The following C6orf62 variants were observed in gnomAD, a reference collection of about 807,000 sequenced individuals.
C6orf62 encodes uncharacterized protein C6orf62.
In C6orf62, 16 loss-of-function variants were observed where a neutral mutation model predicts 26.8. That is an observed-to-expected ratio of 0.60 (90% CI 0.40 to 0.91). The LOEUF is 0.91. Ranked by LOEUF, C6orf62 falls within the 40% of genes least tolerant of loss-of-function variation. The probability of loss-of-function intolerance (pLI) is 0.00; values close to 1 mark genes in which losing one functional copy is unlikely to be tolerated. For synonymous variants in C6orf62, 112 were observed against 91.5 expected, an observed-to-expected ratio of 1.22 and a Z score of -1.28; for missense variants, 192 against 271.4, an observed-to-expected ratio of 0.71 and a Z score of 2.06.
chr6:24,709,092 G>A (rs550995188), intron 3 of C6orf62, 181 bp from the exon 4 acceptor site: 6 of 984,874 alleles, frequency 6.1e-6, no homozygotes, highest in East Asian at 1.1e-4. Flanking sequence ...TAGATTAAAA[G>A]CAATTTACAA....
At chr6:24,720,012 A>AGGGGGCCGCGCC, upstream of C6orf62, 1 of 1,463,298 alleles carries the variant, frequency 6.8e-7, no homozygotes, top group Non-Finnish European at 9.1e-7. Context: ...TTCTAAAGTA[A>AGGGGGCCGCGCC]GCCCACCCAC....
In C6orf62 at chr6:24,718,534, A is replaced by G; in HGVS notation, c.129+6T>C. 1.3e-6 allele frequency: 2 copies of G among 1,596,576 alleles called. No homozygotes were observed. Among genetic ancestry groups the G allele is most frequent in the South Asian group, 1.1e-5 (1 of 89,170 alleles). The stretch of plus-strand genomic sequence containing the variant: ...TGCTAATTCACCATTAAGAACTTTA[A>G]ATTACCTTCTCCTTGAATACAAAGG... On this transcript the variant is annotated splice_donor_region_variant and intron_variant, in intron 1 of 4. Transcript: ENST00000378119.
At chr6:24,719,641 C>G, upstream of C6orf62, 1 of 1,440,676 alleles carries the variant, frequency 6.9e-7, no homozygotes, top group Non-Finnish European at 9.1e-7. Flanking sequence ...GTTCCCAACA[C>G]CCCCAGCCTG....
At chr6:24,712,683 T>A (rs1225435854) in intron 3 of C6orf62, among the ~76,000 whole-genome samples, 1 of 89,190 alleles carries the variant, frequency 1.1e-5, no homozygotes, top group Non-Finnish European at 2.1e-5. Flanking sequence ...AGAGTGAGAC[T>A]CTGTCTCAAA....
intron 2 of C6orf62, among the ~76,000 whole-genome samples, 182 bp downstream of exon 2, chr6:24,715,966 A>G (rs980381747): frequency 6.6e-6 from 1 of 151,840 alleles, no homozygotes; most frequent in Admixed American, 6.6e-5. Flanking sequence ...GTGTTTTTCT[A>G]ATCCTATAAA....
At chr6:24,720,012 A>AGGGGGGGCC, upstream of C6orf62, 2 of 1,463,272 alleles carry the variant, frequency 1.4e-6, no homozygotes, top group Non-Finnish European at 1.8e-6. Flanking sequence ...TTCTAAAGTA[A>AGGGGGGGCC]GCCCACCCAC....
rs1356473432 is a variant in C6orf62, at chr6:24,704,962, AC to A, written c.*1174del. 1 of 151,834 alleles carries A rather than the reference AC, an allele frequency of 6.6e-6. No homozygotes were observed. The highest frequency in any genetic ancestry group is 1.5e-5 in the Non-Finnish European group (1 of 67,862). The allele number at this position is 151,834 out of a possible 1,614,324, so 9.4% of individuals were successfully genotyped here. ...TTCAAATTCCAACCAGAAGCTAAAT[AC>A]AATTGGAAACTGGTAAGCACTAGTT... On this transcript the variant is annotated 3_prime_UTR_variant, in exon 5 of 5. Coordinates refer to ENST00000378119, the MANE Select transcript of C6orf62 (RefSeq NM_030939.5).
rs942243256 is a variant in C6orf62 at position 24,719,000 on chromosome 6, G to A, written c.-332C>T. ...CATTTGGCTTAACTGCCAAAATAAA[G>A]GCTTTGCGGAGAAATGAAAAGCCTA... is the stretch of plus-strand genomic sequence containing the variant. On this transcript the variant is annotated 5_prime_UTR_variant, in exon 1 of 5. Transcript: ENST00000378119. The A allele has an allele frequency of 2.6e-5, 29 of 1,129,708 alleles. No homozygotes were observed. Among genetic ancestry groups the A allele is most frequent in the Non-Finnish European group, 2.9e-5 (27 of 918,022 alleles). The allele number at this position is 1,129,708 out of a possible 1,614,324, so 70.0% of individuals were successfully genotyped here.
At position 24,706,156 on chromosome 6, in the gene C6orf62, C is replaced by T. The variant is rs746089400; in HGVS notation, c.671G>A (p.Arg224His). 38 of 1,614,066 alleles carry T rather than the reference C, an allele frequency of 2.4e-5. No individual in the cohort carries two copies. Among genetic ancestry groups the T allele is most frequent in the East Asian group, 4.5e-5 (2 of 44,890 alleles). ...WAVGTIEDHL[R>H]PYMPE The stretch of plus-strand genomic sequence containing the variant: ...AGTACTCTACTCTGGCATATAAGGA[C>T]GGAGGTGATCCTCTATGGTGCCAAC... Residue 224 changes from arginine to histidine, a missense_variant, in exon 5 of 5, where the codon CGT becomes CAT. Physicochemically the swap from Arg to His is conservative, Grantham distance 29. Transcript: ENST00000378119.
At chr6:24,707,006 T>C (rs1225170506) in intron 4 of C6orf62, 1 of 152,206 alleles carries the variant, frequency 6.6e-6, no homozygotes, top group Non-Finnish European at 1.5e-5. Context: ...TTTTAAAAAG[T>C]AGTTACCATT....
upstream of C6orf62, chr6:24,720,012 A>AGGGGGGGGG: frequency 1.5e-4 from 219 of 1,462,150 alleles, no homozygotes; most frequent in Non-Finnish European, 1.9e-4. Flanking sequence ...TTCTAAAGTA[A>AGGGGGGGGG]GCCCACCCAC....
intron 2 of C6orf62, 83 bp downstream of exon 2, chr6:24,716,065 C>CT: frequency 8.8e-7 from 1 of 1,136,588 alleles, no homozygotes; most frequent in Non-Finnish European, 1.3e-6. Flanking sequence ...TAACTATCCA[C>CT]TTTAAGGGGG....
chr6:24,719,642 C>T, upstream of C6orf62: 1 of 1,441,270 alleles, frequency 6.9e-7, no homozygotes, highest in Non-Finnish European at 9.1e-7. Flanking sequence ...TTCCCAACAC[C>T]CCCAGCCTGC....
At chr6:24,720,090 T>C (rs998949483), upstream of C6orf62, 5 of 1,298,892 alleles carry the variant, frequency 3.8e-6, no homozygotes, top group African/African-American at 5.2e-5. Flanking sequence ...GTTTCCAGAG[T>C]TTGGATTGTT....
chr6:24,719,442 C>A, upstream of C6orf62: 1 of 1,077,606 alleles, frequency 9.3e-7, no homozygotes, highest in Non-Finnish European at 1.1e-6. Context: ...CGGGGGCGGG[C>A]AGCTGTGGCC....
chr6:24,716,421 T>C lies in C6orf62; in HGVS notation c.130-97A>G, dbSNP rs140492909. ...GTCATGTAACATTAACTCCACAAAA[T>C]TCTTAACTGTCTGCAGTAACTTATA... On this transcript the variant is annotated intron_variant, in intron 1 of 4. Coordinates refer to ENST00000378119, the MANE Select transcript of C6orf62 (RefSeq NM_030939.5). 109 of 838,652 alleles carry C rather than the reference T, an allele frequency of 1.3e-4. No individual in the cohort carries two copies. The Middle Eastern group carries it at 1.4e-3, about 11-fold the overall frequency. The allele number at this position is 838,652 out of a possible 1,614,324, so 52.0% of individuals were successfully genotyped here.
chr6:24,711,819 G>A (rs965955985), intron 3 of C6orf62, among the ~76,000 whole-genome samples: 15 of 152,184 alleles, frequency 9.9e-5, no homozygotes, highest in East Asian at 3.9e-4. Flanking sequence ...CTTCAGAAAA[G>A]CAAATTAGTT....
chr6:24,706,151 A>T lies in C6orf62; in HGVS notation c.676T>A (p.Tyr226Asn). Reference sequence around the variant, plus strand: ...TGGTCAGTACTCTACTCTGGCATATAAGGACGGAGGTGATCCTCTATGGTG... The same window carrying T: ...TGGTCAGTACTCTACTCTGGCATATTAGGACGGAGGTGATCCTCTATGGTG... ...VGTIEDHLRP[Y>N]MPE Residue 226 changes from tyrosine (Y) to asparagine (N), a missense_variant, in exon 5 of 5, where the codon TAT (tyrosine) becomes AAT (asparagine). Tyr to Asn is a moderately radical substitution (Grantham distance 143). Coordinates refer to ENST00000378119, the MANE Select transcript of C6orf62 (RefSeq NM_030939.5). 1 of 1,614,192 alleles carries T rather than the reference A, an allele frequency of 6.2e-7. No individual in the cohort carries two copies. Among genetic ancestry groups the T allele is most frequent in the Non-Finnish European group, 8.5e-7 (1 of 1,180,026 alleles).
At chr6:24,710,229 T>C in intron 3 of C6orf62, 1 of 985,308 alleles carries the variant, frequency 1.0e-6, no homozygotes, top group South Asian at 4.7e-5. Flanking sequence ...CTTCAAATCC[T>C]TTCCCAGAAT....
Sources: gnomAD v4.1 joint callset for allele counts (sites outside exome capture counted in the v4.1 genomes callset) on GRCh38, gnomAD v4.1.1 for gene constraint, MANE v1.5 for transcripts, NCBI Gene and HGNC (gene_info 2026-07-23, HGNC 2026-07-21) for gene names.